The following CIBAR1 variants were observed in gnomAD, a reference collection of about 807,000 sequenced individuals.
CIBAR1 encodes the protein CBY1 interacting BAR domain containing 1, also known as CBY1-interacting BAR domain-containing protein 1.
In CIBAR1, 25 loss-of-function variants were observed where a neutral mutation model predicts 44.0. The ratio of observed to expected loss-of-function variants is 0.57; its 90% CI spans 0.41 to 0.79. The LOEUF (loss-of-function observed/expected upper bound fraction) is 0.79, where lower values mean the gene tolerates loss of function less well. Ranked by LOEUF, CIBAR1 falls within the 30% of genes least tolerant of loss-of-function variation. The probability of loss-of-function intolerance (pLI) is 0.00; values close to 1 mark genes in which losing one functional copy is unlikely to be tolerated. For synonymous variants in CIBAR1, 115 were observed against 119.0 expected, an observed-to-expected ratio of 0.97 and a Z score of 0.22; for missense variants, 278 against 344.8, an observed-to-expected ratio of 0.81 and a Z score of 1.53.
intron 4 of CIBAR1, among the ~76,000 whole-genome samples, chr8:93,706,490 C>T (rs200694182): frequency 2.2e-4 from 33 of 151,984 alleles, no homozygotes; most frequent in Non-Finnish European, 3.5e-4. Context: ...TTCTTTGTGG[C>T]CTGGAGTTGG....
Position 93,726,407 on chromosome 8 carries a change from C to A in CIBAR1, c.671C>A (p.Ser224Tyr). ...TCATTACAATAGGTTTTCCGAAATT[C>A]TCTGTATGCACCAGATTATTCATCT... is the stretch of plus-strand genomic sequence containing the variant. Reference protein sequence around the residue: ...EDEDLEVFRNSLYAPDYSSRL... With the variant: ...EDEDLEVFRNYLYAPDYSSRL... The change falls in exon 8 of 9, where the codon TCT becomes TAT. Residue 224 changes from serine to tyrosine, a missense_variant. By Grantham distance (144) the Ser-to-Tyr change is moderately radical. Coordinates refer to ENST00000518322, the MANE Select transcript of CIBAR1 (RefSeq NM_145269.5). The A allele has an allele frequency of 6.2e-7, 1 of 1,610,380 alleles. No individual in the cohort carries two copies. Among genetic ancestry groups the A allele is most frequent in the Non-Finnish European group, 8.5e-7 (1 of 1,177,798 alleles).
At chr8:93,705,748 G>A (rs1393212551) in intron 4 of CIBAR1, among the ~76,000 whole-genome samples, 2 of 152,064 alleles carry the variant, frequency 1.3e-5, no homozygotes, top group Admixed American at 1.3e-4. Context: ...TCAGGAGTTC[G>A]AGACCAGCCT....
chr8:93,708,420 A>C (rs954619322), intron 5 of CIBAR1, among the ~76,000 whole-genome samples: 1 of 152,184 alleles, frequency 6.6e-6, no homozygotes, highest in Non-Finnish European at 1.5e-5. Context: ...TGGCTGTTGA[A>C]TTCTTGAAAT....
rs564363318 is a variant in CIBAR1, at chr8:93,722,701, C to CA, written c.658-3681dup. Among the ~76,000 whole-genome samples, 121 of 139,584 alleles carry CA rather than the reference C, an allele frequency of 8.7e-4. 1 individual carries two copies. The highest frequency in any genetic ancestry group is 7.2e-3 in the South Asian group (32 of 4,448). 91.6% of individuals were successfully genotyped at this position (139,584 alleles called of 152,430 possible). A position where few individuals can be genotyped will look rare whatever the true frequency, so the allele number is the denominator to read the frequency against. On this transcript the variant is annotated intron_variant, in intron 7 of 8. Coordinates refer to ENST00000518322, the MANE Select transcript of CIBAR1 (RefSeq NM_145269.5). ...GGTGACAGGGTGAGACTCTATCTCA[C>CA]AAAAAAAAAAAATATTGTCAGGTCA... is the stretch of plus-strand genomic sequence containing the variant.
intron 6 of CIBAR1, among the ~76,000 whole-genome samples, chr8:93,716,504 C>T (rs921357509): frequency 6.6e-6 from 1 of 151,934 alleles, no homozygotes; most frequent in African/African-American, 2.4e-5. Flanking sequence ...TTTTCCTTAA[C>T]CTATATTTCT....
At chr8:93,720,321 C>T (rs1811214384) in intron 7 of CIBAR1, among the ~76,000 whole-genome samples, 2 of 152,084 alleles carry the variant, frequency 1.3e-5, no homozygotes, top group African/African-American at 4.8e-5. Context: ...AAGAGACCCT[C>T]TGAGCCTTCC....
At chr8:93,721,553 T>C (rs1014993364) in intron 7 of CIBAR1, among the ~76,000 whole-genome samples, 2 of 152,200 alleles carry the variant, frequency 1.3e-5, no homozygotes, top group African/African-American at 4.8e-5. Context: ...ACTCCCCTAC[T>C]TTCTAGTGAA....
intron 2 of CIBAR1, chr8:93,701,692 T>C (rs1221130114): frequency 1.8e-5 from 9 of 509,636 alleles, no homozygotes; most frequent in Admixed American, 7.1e-5. Context: ...TTCCCCACTT[T>C]ATTTGCCAAC....
At chr8:93,715,451 G>A (rs954549899) in intron 6 of CIBAR1, 1 of 151,976 alleles carries the variant, frequency 6.6e-6, no homozygotes, top group African/African-American at 2.4e-5. Context: ...CAAAAATTTA[G>A]TCTCACCACC....
rs1300703530 is a variant in CIBAR1 at position 93,701,173 on chromosome 8, C to G, written c.27-51C>G. The G allele has an allele frequency of 1.9e-6, 3 of 1,569,860 alleles. No individual in the cohort carries two copies. The African/African-American group carries it at 4.1e-5, about 21-fold the overall frequency. On this transcript the variant is annotated intron_variant, in intron 1 of 8. Transcript: ENST00000518322. ...TTTGCATGTTAAATTAACGTGAAGCCTTCTCATCTCTAACGAGAATGTTTT... is the reference window on the plus strand; with the variant it reads ...TTTGCATGTTAAATTAACGTGAAGCGTTCTCATCTCTAACGAGAATGTTTT...
At chr8:93,704,256 G>T (rs903358700) in intron 3 of CIBAR1, among the ~76,000 whole-genome samples, 2 of 152,260 alleles carry the variant, frequency 1.3e-5, no homozygotes, top group Admixed American at 1.3e-4. Flanking sequence ...TTTACTATAT[G>T]AATATAAGTT....
chr8:93,719,964 ATTT>A (rs900999614), intron 7 of CIBAR1: 6 of 135,954 alleles, frequency 4.4e-5, no homozygotes, highest in Non-Finnish European at 6.4e-5. Flanking sequence ...GATTCCCCCG[ATTT>A]TTTTTTTTTT....
At chr8:93,722,474 G>A (rs556914252) in intron 7 of CIBAR1, among the ~76,000 whole-genome samples, 9 of 152,250 alleles carry the variant, frequency 5.9e-5, no homozygotes, top group South Asian at 4.1e-4. Context: ...CGAGGCAGGC[G>A]GATCATGAGG....
intron 7 of CIBAR1, among the ~76,000 whole-genome samples, chr8:93,725,014 A>G (rs977454602): frequency 1.3e-5 from 2 of 152,024 alleles, no homozygotes; most frequent in African/African-American, 2.4e-5. Context: ...GTCTCACTCT[A>G]TTGCCCAGGA....
At chr8:93,708,667 A>G (rs954141178) in intron 5 of CIBAR1, among the ~76,000 whole-genome samples, 10 of 152,214 alleles carry the variant, frequency 6.6e-5, no homozygotes, top group African/African-American at 2.4e-4. Context: ...TGTCTTGTAA[A>G]GAAGAATCTA....
chr8:93,702,736 C>CA (rs1810413629), intron 2 of CIBAR1, among the ~76,000 whole-genome samples: 1 of 152,024 alleles, frequency 6.6e-6, no homozygotes, highest in Admixed American at 6.5e-5. Context: ...CATTCATATA[C>CA]ATTTCATTTA....
At chr8:93,711,333 C>T (rs1399120921) in intron 6 of CIBAR1, among the ~76,000 whole-genome samples, 2 of 152,158 alleles carry the variant, frequency 1.3e-5, no homozygotes, top group Non-Finnish European at 2.9e-5. Context: ...ATAAAATAAG[C>T]ATTATCTGCC....
intron 1 of CIBAR1, chr8:93,700,960 C>A (rs1468042918): frequency 7.3e-7 from 1 of 1,373,930 alleles, no homozygotes; most frequent in Middle Eastern, 2.7e-4. Flanking sequence ...GCGCCCAGGC[C>A]GCGCTGCGCG....
chr8:93,724,018 G>A (rs1045390008), intron 7 of CIBAR1, among the ~76,000 whole-genome samples: 1 of 152,124 alleles, frequency 6.6e-6, no homozygotes, highest in Non-Finnish European at 1.5e-5. Context: ...GATTGCTTGC[G>A]GCCAGGAGTT....
Sources: allele counts gnomAD v4.1 joint callset (sites outside exome capture counted in the v4.1 genomes callset), GRCh38; gene constraint gnomAD v4.1.1; transcripts MANE v1.5; gene names NCBI Gene and HGNC (gene_info 2026-07-23, HGNC 2026-07-21).